The following NAALADL2 variants were observed in gnomAD, a reference collection of about 807,000 sequenced individuals.
The protein encoded by NAALADL2 is inactive N-acetylated-alpha-linked acidic dipeptidase-like protein 2.
In NAALADL2, 76 loss-of-function variants were observed where a neutral mutation model predicts 87.2. The ratio of observed to expected loss-of-function variants is 0.87; its 90% CI spans 0.72 to 1.05. The LOEUF is 1.05. Ranked by LOEUF, NAALADL2 falls within the 50% of genes least tolerant of loss-of-function variation. The pLI, the probability that NAALADL2 is intolerant of heterozygous loss-of-function variation, is 0.00. For missense variants in NAALADL2, 1,089 were observed against 945.8 expected (o/e 1.15, Z -1.99); for synonymous variants, 354 against 331.0 (o/e 1.07, Z -0.75).
At chr3:175,143,551 C>CAAA (rs200363916) in intron 2 of NAALADL2, among the ~76,000 whole-genome samples, 1 of 113,406 alleles carries the variant, frequency 8.8e-6, no homozygotes, top group African/African-American at 3.6e-5. Flanking sequence ...CAATGTTAGC[C>CAAA]AAAAAAAAAA....
At chr3:175,741,974 G>T (rs576901422) in intron 12 of NAALADL2, among the ~76,000 whole-genome samples, 1 of 152,212 alleles carries the variant, frequency 6.6e-6, no homozygotes, top group Non-Finnish European at 1.5e-5. Flanking sequence ...AAAGGAGGGA[G>T]GGGACTTCCA....
In NAALADL2 at chr3:175,466,941, C is replaced by A. The variant is rs201395536; in HGVS notation, c.1328-38C>A. On this transcript the variant is annotated intron_variant, in intron 7 of 13. Coordinates refer to ENST00000454872, the MANE Select transcript of NAALADL2 (RefSeq NM_207015.3). ...TCATTAAATTTATTGTTAAGGTTTA[C>A]ATTTTTTTAAATGGCTCTTGTCCCT... The A allele has an allele frequency of 3.4e-5, 51 of 1,499,070 alleles. No homozygotes were observed. In the Admixed American group the frequency reaches 6.7e-4, roughly 20 times the overall value. The allele number at this position is 1,499,070 out of a possible 1,614,324, so 92.9% of individuals were successfully genotyped here. A position where few individuals can be genotyped will look rare whatever the true frequency, so the allele number is the denominator to read the frequency against.
chr3:175,211,174 C>G (rs1311269613), intron 2 of NAALADL2, among the ~76,000 whole-genome samples: 1 of 151,784 alleles, frequency 6.6e-6, no homozygotes, highest in African/African-American at 2.4e-5. Flanking sequence ...TTGCTTCAAT[C>G]TAAAGTGATA....
At chr3:175,382,642 A>G (rs1207000704) in intron 5 of NAALADL2, among the ~76,000 whole-genome samples, 10 of 151,794 alleles carry the variant, frequency 6.6e-5, no homozygotes, top group South Asian at 4.2e-4. Context: ...AACATTCCAA[A>G]TGTTTTTCAA....
chr3:174,548,084 C>T (rs1711601259), intron 1 of NAALADL2, among the ~76,000 whole-genome samples: 1 of 152,160 alleles, frequency 6.6e-6, no homozygotes, highest in South Asian at 2.1e-4. Flanking sequence ...CTGATCTAGA[C>T]ATCTAATTTT....
At chr3:174,603,266 A>G (rs539022881) in intron 2 of NAALADL2, among the ~76,000 whole-genome samples, 1 of 152,066 alleles carries the variant, frequency 6.6e-6, no homozygotes, top group South Asian at 2.1e-4. Context: ...GAGACTTTTT[A>G]TTACAGCTTT....
intron 1 of NAALADL2, among the ~76,000 whole-genome samples, chr3:174,949,414 A>C (rs1739991340): frequency 6.6e-6 from 1 of 152,182 alleles, no homozygotes; most frequent in Admixed American, 6.6e-5. Context: ...TGTCCCTGAT[A>C]CCATCTCTTA....
chr3:175,546,557 G>A (rs1245820185), intron 9 of NAALADL2, among the ~76,000 whole-genome samples: 2 of 152,016 alleles, frequency 1.3e-5, no homozygotes, highest in African/African-American at 2.4e-5. Context: ...GCTTCCCTCA[G>A]GGGCTCTTAT....
intron 3 of NAALADL2, among the ~76,000 whole-genome samples, chr3:175,243,095 G>GCACA (rs1382994545): frequency 1.1e-4 from 10 of 94,532 alleles, no homozygotes; most frequent in African/African-American, 3.5e-4. Flanking sequence ...ACACACACAC[G>GCACA]CACACACACA....
chr3:175,785,318 A>T (rs528499142), intron 13 of NAALADL2, among the ~76,000 whole-genome samples: 2 of 147,840 alleles, frequency 1.4e-5, no homozygotes, highest in African/African-American at 5.3e-5. Context: ...AAAGTCTCCC[A>T]TTATTAATGT....
intron 2 of NAALADL2, among the ~76,000 whole-genome samples, chr3:175,108,542 G>A (rs1034570722): frequency 1.3e-5 from 2 of 151,998 alleles, no homozygotes; most frequent in African/African-American, 4.8e-5. Context: ...AAACAAGTGT[G>A]GGTGTTTTCT....
chr3:174,723,493 C>T (rs766903402), intron 2 of NAALADL2, among the ~76,000 whole-genome samples: 5 of 152,110 alleles, frequency 3.3e-5, no homozygotes, highest in Non-Finnish European at 7.4e-5. Flanking sequence ...TGGTGGCTCA[C>T]ACCTGCAATC....
chr3:174,547,904 A>C (rs947859637), intron 1 of NAALADL2, among the ~76,000 whole-genome samples: 9 of 152,200 alleles, frequency 5.9e-5, no homozygotes, highest in African/African-American at 1.9e-4. Context: ...AAAAGAATTA[A>C]AATGTTTCAC....
At chr3:175,379,570 G>A (rs1297716869) in intron 5 of NAALADL2, among the ~76,000 whole-genome samples, 1 of 148,476 alleles carries the variant, frequency 6.7e-6, no homozygotes, top group Non-Finnish European at 1.5e-5. Flanking sequence ...GTCTCACTCT[G>A]TCACCCAGAC....
chr3:175,663,355 A>G (rs369697189), intron 11 of NAALADL2, among the ~76,000 whole-genome samples: 1 of 151,708 alleles, frequency 6.6e-6, no homozygotes, highest in East Asian at 1.9e-4. Context: ...ATTTGTTTGT[A>G]ATAGTCTCTG....
At chr3:174,728,790 A>T (rs1212278251) in intron 2 of NAALADL2, among the ~76,000 whole-genome samples, 2 of 152,062 alleles carry the variant, frequency 1.3e-5, no homozygotes, top group Admixed American at 6.6e-5. Context: ...AAGTTATTCG[A>T]CTGAGAAGCA....
At chr3:175,384,512 T>A (rs560957896) in intron 5 of NAALADL2, among the ~76,000 whole-genome samples, 26 of 152,152 alleles carry the variant, frequency 1.7e-4, no homozygotes, top group Middle Eastern at 3.4e-3. Context: ...GGTTTTAGTT[T>A]CTTTGACTCA....
intron 9 of NAALADL2, among the ~76,000 whole-genome samples, chr3:175,503,876 A>AGTT (rs551433563): frequency 3.7e-4 from 57 of 152,066 alleles, no homozygotes; most frequent in Admixed American, 2.8e-3. Context: ...CAATCCTGTA[A>AGTT]GTTGTTTGTT....
chr3:175,620,464 G>C (rs1184534608), intron 10 of NAALADL2, among the ~76,000 whole-genome samples: 1 of 152,182 alleles, frequency 6.6e-6, no homozygotes, highest in African/African-American at 2.4e-5. Flanking sequence ...GCTATAGCTC[G>C]GGGAGTCCCG....
Sources: allele counts gnomAD v4.1 joint callset (sites outside exome capture counted in the v4.1 genomes callset), GRCh38; gene constraint gnomAD v4.1.1; transcripts MANE v1.5; gene names NCBI Gene and HGNC (gene_info 2026-07-23, HGNC 2026-07-21).